The following OTOP1 variants were observed in gnomAD, a reference collection of about 807,000 sequenced individuals.
OTOP1 encodes the protein otopetrin 1, also known as proton channel OTOP1.
In OTOP1, 59 loss-of-function variants were observed where a neutral mutation model predicts 52.9. The observed-to-expected ratio is 1.12, with a 90% CI of 0.91 to 1.39. The LOEUF is 1.39. Among genes scored for constraint, OTOP1 ranks in the 40% most tolerant of loss-of-function variants. OTOP1 has a pLI of 0.00. For synonymous variants in OTOP1, 317 were observed against 337.7 expected (o/e 0.94, Z 0.67); for missense variants, 761 against 800.9 (o/e 0.95, Z 0.60).
intron 1 of OTOP1, among the ~76,000 whole-genome samples, chr4:4,215,306 ATG>A (rs1199768938): frequency 2.0e-5 from 3 of 152,176 alleles, no homozygotes; most frequent in Non-Finnish European, 2.9e-5. Flanking sequence ...CAATTTAAGA[ATG>A]TCACTGCTCT....
At chr4:4,221,090 ATTTTATT>A (rs1717292496) in intron 1 of OTOP1, among the ~76,000 whole-genome samples, 3 of 130,640 alleles carry the variant, frequency 2.3e-5, no homozygotes, top group Admixed American at 7.7e-5. Context: ...ATTTTATTTT[ATTTTATT>A]GAGATGGAGT....
At chr4:4,213,855 C>T (rs962039658) in intron 1 of OTOP1, among the ~76,000 whole-genome samples, 35 of 152,102 alleles carry the variant, frequency 2.3e-4, no homozygotes, top group Admixed American at 1.2e-3. Context: ...TTTGGGAGGC[C>T]GAGGAGTGTG....
intron 1 of OTOP1, among the ~76,000 whole-genome samples, chr4:4,215,349 A>C (rs1297405679): frequency 6.6e-6 from 1 of 152,020 alleles, no homozygotes; most frequent in African/African-American, 2.4e-5. Context: ...TAATCCTAAA[A>C]TCCTGTTCTC....
chr4:4,219,449 C>T (rs1429741150), intron 1 of OTOP1, among the ~76,000 whole-genome samples: 2 of 152,094 alleles, frequency 1.3e-5, no homozygotes, highest in African/African-American at 4.8e-5. Flanking sequence ...CGCCTGTAAT[C>T]CCAGCACTTT....
In OTOP1 at chr4:4,197,192, C is replaced by A. The variant is rs370206144; in HGVS notation, c.1642G>T (p.Ala548Ser). ...GAAATATTGCAGAGGAACAAGAAGG[C>A]TGCAATATTCCTCAGGACTTTTCTC... is the stretch of plus-strand genomic sequence containing the variant. The part of the protein sequence containing the change: ...AKRKVLRNIA[A>S]FLFLCNISLW... The change falls in exon 5 of 6, where the codon GCC becomes TCC. Residue 548 changes from alanine (A) to serine (S), a missense_variant. Transcript: ENST00000296358. 4.5e-5 allele frequency: 73 copies of A among 1,611,794 alleles called. No individual in the cohort carries two copies. The highest frequency in any genetic ancestry group is 3.9e-5 in the Non-Finnish European group (46 of 1,178,640).
Position 4,197,538 on chromosome 4 carries a change from C to A in OTOP1, c.1296G>T (p.Ala432=). The A allele has an allele frequency of 6.2e-7, 1 of 1,614,010 alleles. No homozygotes were observed. Among genetic ancestry groups the A allele is most frequent in the Non-Finnish European group, 8.5e-7 (1 of 1,180,010 alleles). The change falls in exon 5 of 6, where the codon GCG becomes GCT. Residue 432 remains alanine, a synonymous_variant. Coordinates refer to ENST00000296358, the MANE Select transcript of OTOP1 (RefSeq NM_177998.3). ...GGTTCTGGATGTACTTCTCCACGAT[C>A]GCCAGGATGGAGTAGGGCAGGTTGT... ...TWYNLPYSIL[A]IVEKYIQNLF...
intron 1 of OTOP1, among the ~76,000 whole-genome samples, chr4:4,220,092 TATATATATA>T (rs1717264175): frequency 9.8e-6 from 1 of 101,668 alleles, no homozygotes; most frequent in African/African-American, 4.6e-5. Context: ...TATATATATA[TATATATATA>T]TATATTTTTT....
In OTOP1 at chr4:4,202,120, G is replaced by T. The variant is rs1577178170; in HGVS notation, c.730+328C>A. 2.6e-5 allele frequency among the ~76,000 whole-genome samples: 4 copies of T among 152,186 alleles called. No individual in the cohort carries two copies. In the Middle Eastern group the frequency reaches 0.014, roughly 518 times the overall value. ...GGTTTAATTAAAAACACAAGCAGAG[G>T]CAACCATCAATCTTCTGTAGTTGAA... On this transcript the variant is annotated intron_variant, in intron 4 of 5. Coordinates refer to ENST00000296358, the MANE Select transcript of OTOP1 (RefSeq NM_177998.3).
intron 5 of OTOP1, among the ~76,000 whole-genome samples, chr4:4,192,729 C>A (rs1166298474): frequency 6.6e-6 from 1 of 152,118 alleles, no homozygotes; most frequent in Non-Finnish European, 1.5e-5. Context: ...CACCTGTCAC[C>A]CTTCGCGAGT....
chr4:4,201,555 G>A (rs1403395612), intron 4 of OTOP1, among the ~76,000 whole-genome samples: 1 of 150,652 alleles, frequency 6.6e-6, no homozygotes, highest in Non-Finnish European at 1.5e-5. Flanking sequence ...AGGACATGAG[G>A]CCCAAACACC....
intron 2 of OTOP1, among the ~76,000 whole-genome samples, chr4:4,209,741 A>T (rs1577181042): frequency 6.6e-6 from 1 of 152,202 alleles, no homozygotes; most frequent in Admixed American, 6.5e-5. Context: ...AAGTTAAGTA[A>T]TTTGCCTGAA....
chr4:4,195,522 T>C (rs1716605716), intron 5 of OTOP1, among the ~76,000 whole-genome samples: 1 of 152,160 alleles, frequency 6.6e-6, no homozygotes, highest in Admixed American at 6.5e-5. Flanking sequence ...TGAACCCAGA[T>C]GTGATGCCTG....
chr4:4,189,249 C>G (rs1230032936), intron 5 of OTOP1, among the ~76,000 whole-genome samples: 1 of 152,252 alleles, frequency 6.6e-6, no homozygotes. Context: ...TCCATCCCTA[C>G]AGCCCTCGCC....
At chr4:4,193,974 G>T in intron 5 of OTOP1, among the ~76,000 whole-genome samples, 1 of 152,174 alleles carries the variant, frequency 6.6e-6, no homozygotes, top group Non-Finnish European at 1.5e-5. Context: ...GCTCACCTGA[G>T]GTTAGGAGTT....
At chr4:4,197,102 C>T in intron 5 of OTOP1, 64 bp downstream of exon 5, 1 of 1,498,858 alleles carries the variant, frequency 6.7e-7, no homozygotes, top group South Asian at 1.3e-5. Context: ...ATGTGTACCC[C>T]TTGAACCGAA....
At chr4:4,200,110 A>G (rs1181794177) in intron 4 of OTOP1, among the ~76,000 whole-genome samples, 2 of 152,180 alleles carry the variant, frequency 1.3e-5, no homozygotes, top group African/African-American at 4.8e-5. Flanking sequence ...CGTTCACAGC[A>G]TTTACTGCAT....
intron 1 of OTOP1, among the ~76,000 whole-genome samples, chr4:4,215,701 T>C (rs1227350165): frequency 2.0e-5 from 3 of 152,134 alleles, no homozygotes; most frequent in East Asian, 3.9e-4. Flanking sequence ...GAAATAAGAG[T>C]GCAGAGTGTG....
chr4:4,211,570 G>A (rs1717026023), intron 2 of OTOP1, among the ~76,000 whole-genome samples: 3 of 152,158 alleles, frequency 2.0e-5, no homozygotes, highest in African/African-American at 7.2e-5. Flanking sequence ...CTTATATGTG[G>A]TATTTAGAAA....
chr4:4,202,723 C>T, intron 3 of OTOP1, 145 bp from the exon 4 acceptor site: 1 of 1,031,682 alleles, frequency 9.7e-7, no homozygotes, highest in Non-Finnish European at 1.4e-6. Flanking sequence ...CTGGGTGGGC[C>T]CCCTGCCTGG....
Sources: gnomAD v4.1 joint callset for allele counts (sites outside exome capture counted in the v4.1 genomes callset) on GRCh38, gnomAD v4.1.1 for gene constraint, MANE v1.5 for transcripts, NCBI Gene and HGNC (gene_info 2026-07-23, HGNC 2026-07-21) for gene names.